Variants in CHKA observed in about 807,000 individuals in gnomAD.
The protein encoded by CHKA is CHETK-alpha.
A neutral mutation model predicts 60.1 loss-of-function variants in CHKA; 34 were observed. That is an observed-to-expected ratio of 0.57 (90% CI 0.43 to 0.75). The LOEUF (loss-of-function observed/expected upper bound fraction) is 0.75, where lower values mean the gene tolerates loss of function less well. CHKA is among the 30% of genes least tolerant of loss of function. CHKA has a pLI of 0.00. For synonymous variants in CHKA, 217 were observed against 223.1 expected (o/e 0.97, Z 0.24); for missense variants, 563 against 561.3 (o/e 1.00, Z -0.03).
At chr11:68,115,374 A>T (rs1399822323) in intron 1 of CHKA, among the ~76,000 whole-genome samples, 1 of 152,226 alleles carries the variant, frequency 6.6e-6, no homozygotes, top group Non-Finnish European at 1.5e-5. Context: ...CAAGAATAGG[A>T]TGTAGTGTGT....
Position 68,120,912 on chromosome 11 carries a change from C to T in CHKA, c.266G>A (p.Arg89His). ...CTCCTTGCACCACAGATAGGCCCTGCGCCGCGTCCGGGGCTCCGGCTGCTC... is the reference window on the plus strand; with the variant it reads ...CTCCTTGCACCACAGATAGGCCCTGTGCCGCGTCCGGGGCTCCGGCTGCTC... ...ADEQPEPRTR[R>H]RAYLWCKEFL... is the part of the protein sequence containing the mutation. Residue 89 changes from arginine (R) to histidine (H), a missense_variant, in exon 1 of 12, where the codon CGC becomes CAC. Arg to His is a conservative substitution (Grantham distance 29). Transcript: ENST00000265689. The T allele has an allele frequency of 8.1e-7, 1 of 1,233,742 alleles. No individual in the cohort carries two copies. Among genetic ancestry groups the T allele is most frequent in the Non-Finnish European group, 1.0e-6 (1 of 978,846 alleles). 76.4% of individuals were successfully genotyped at this position (1,233,742 alleles called of 1,614,324 possible).
intron 1 of CHKA, among the ~76,000 whole-genome samples, chr11:68,098,976 GACCTT>G (rs968844600): frequency 4.3e-4 from 65 of 152,174 alleles, no homozygotes; most frequent in African/African-American, 1.5e-3. Flanking sequence ...CACCATGCCT[GACCTT>G]ATTTTACCAC....
chr11:68,088,104 C>T, intron 2 of CHKA, among the ~76,000 whole-genome samples: 1 of 69,644 alleles, frequency 1.4e-5, no homozygotes, highest in Admixed American at 2.5e-4. Context: ...CAGTGGGAGG[C>T]TGTCTCAAAA....
At chr11:68,070,452 C>T (rs1856578254) in intron 5 of CHKA, among the ~76,000 whole-genome samples, 159 bp from the exon 6 acceptor site, 2 of 152,190 alleles carry the variant, frequency 1.3e-5, no homozygotes, top group African/African-American at 4.8e-5. Flanking sequence ...GAGGAGTGGC[C>T]TTGGGGGTTC....
chr11:68,094,619 G>C (rs1051899799), intron 2 of CHKA, among the ~76,000 whole-genome samples: 1 of 152,190 alleles, frequency 6.6e-6, no homozygotes, highest in Non-Finnish European at 1.5e-5. Flanking sequence ...ACTGCAACCT[G>C]ATTAAATTTA....
chr11:68,084,336 G>A (rs1193729519), intron 2 of CHKA, among the ~76,000 whole-genome samples: 7 of 127,314 alleles, frequency 5.5e-5, no homozygotes, highest in South Asian at 2.5e-4. Context: ...ACACATATAC[G>A]TATATATATG....
rs80344426 is a variant in CHKA at position 68,056,191 on chromosome 11, T to C, written c.1315-2144A>G. Among the ~76,000 whole-genome samples, 972 of 152,346 alleles carry C rather than the reference T, an allele frequency of 6.4e-3. 10 individuals carry two copies. The highest frequency in any genetic ancestry group is 0.022 in the African/African-American group (910 of 41,576). On this transcript the variant is annotated intron_variant, in intron 11 of 11. Coordinates refer to ENST00000265689, the MANE Select transcript of CHKA (RefSeq NM_001277.3). ...GCTTGCCTTTTCATTTTCTCCATGA[T>C]ATCGTTCAGAGTTACTCATTTTGAT...
chr11:68,072,014 C>T (rs1439320951), intron 4 of CHKA, among the ~76,000 whole-genome samples: 1 of 152,244 alleles, frequency 6.6e-6, no homozygotes, highest in Non-Finnish European at 1.5e-5. Flanking sequence ...CAGCAGGACA[C>T]ACAGGACTTA....
chr11:68,059,509 T>C (rs1345585537), intron 11 of CHKA, among the ~76,000 whole-genome samples: 2 of 152,246 alleles, frequency 1.3e-5, no homozygotes, highest in African/African-American at 4.8e-5. Context: ...TTTCTTCTTA[T>C]GGAATATAAA....
At chr11:68,086,262 C>T (rs1339301891) in intron 2 of CHKA, among the ~76,000 whole-genome samples, 1 of 151,940 alleles carries the variant, frequency 6.6e-6, no homozygotes, top group African/African-American at 2.4e-5. Flanking sequence ...TGCAGTGAGC[C>T]AAGATCGCGC....
intron 2 of CHKA, among the ~76,000 whole-genome samples, chr11:68,095,858 A>G (rs1857495727): frequency 6.6e-6 from 1 of 151,350 alleles, no homozygotes; most frequent in Admixed American, 6.6e-5. Flanking sequence ...CCTGGCCAAC[A>G]TGGTGAAACC....
intron 2 of CHKA, among the ~76,000 whole-genome samples, chr11:68,084,846 T>C (rs1012702311): frequency 6.6e-6 from 1 of 152,094 alleles, no homozygotes; most frequent in Non-Finnish European, 1.5e-5. Flanking sequence ...GAATGGACAC[T>C]GGGGTTCATT....
intron 3 of CHKA, 94 bp downstream of exon 3, chr11:68,081,310 G>C (rs74972912): frequency 0.039 from 37,246 of 952,980 alleles, 922 homozygotes; most frequent in African/African-American, 0.084. Context: ...ATTTTCCAAG[G>C]GTAGATAAGA....
At chr11:68,109,568 A>C (rs1858057139) in intron 1 of CHKA, among the ~76,000 whole-genome samples, 1 of 152,184 alleles carries the variant, frequency 6.6e-6, no homozygotes, top group Non-Finnish European at 1.5e-5. Context: ...GGGGAGGAGA[A>C]CTAAGAAAAA....
At chr11:68,063,642 C>T (rs1856331621) in intron 10 of CHKA, among the ~76,000 whole-genome samples, 2 of 152,204 alleles carry the variant, frequency 1.3e-5, no homozygotes, top group East Asian at 1.9e-4. Context: ...GCTCTGTCTC[C>T]CCACCCAAAT....
intron 2 of CHKA, among the ~76,000 whole-genome samples, chr11:68,086,681 T>C (rs781743335): frequency 4.3e-4 from 65 of 152,190 alleles, no homozygotes; most frequent in Non-Finnish European, 6.6e-4. Flanking sequence ...TTAAGTCACA[T>C]ATAGTTATCA....
intron 3 of CHKA, among the ~76,000 whole-genome samples, chr11:68,078,940 T>G (rs1193183287): frequency 6.9e-6 from 1 of 145,560 alleles, no homozygotes. Context: ...TTTGGAGATA[T>G]TATTATTATT....
intron 1 of CHKA, among the ~76,000 whole-genome samples, chr11:68,110,314 T>TAAA (rs2153030169): frequency 6.6e-6 from 1 of 151,990 alleles, no homozygotes; most frequent in Admixed American, 6.5e-5. Context: ...AAGAGAGAAA[T>TAAA]AAAACTTTGT....
intron 1 of CHKA, among the ~76,000 whole-genome samples, chr11:68,112,053 C>CAAA (rs754639082): frequency 0.014 from 293 of 20,866 alleles, 37 homozygotes; most frequent in Non-Finnish European, 0.016. Context: ...AACTCCGTCT[C>CAAA]AAAAAAAAAA....
Sources: gnomAD v4.1 joint callset for allele counts (sites outside exome capture counted in the v4.1 genomes callset) on GRCh38, gnomAD v4.1.1 for gene constraint, MANE v1.5 for transcripts, NCBI Gene and HGNC (gene_info 2026-07-23, HGNC 2026-07-21) for gene names.